Variants in VIPR2 observed in about 807,000 individuals in gnomAD.
VIPR2 encodes the protein vasoactive intestinal polypeptide receptor 2.
Under a neutral mutation model 58.0 loss-of-function variants are expected in VIPR2, and 48 were observed. That is an observed-to-expected ratio of 0.83 (90% CI 0.66 to 1.05). The LOEUF (loss-of-function observed/expected upper bound fraction) is 1.05. VIPR2 is among the 50% of genes least tolerant of loss of function. The probability of loss-of-function intolerance (pLI) is 0.00; values close to 1 mark genes in which losing one functional copy is unlikely to be tolerated. For missense variants in VIPR2, 534 were observed against 558.0 expected, an observed-to-expected ratio of 0.96 and a Z score of 0.43; for synonymous variants, 243 against 235.2, an observed-to-expected ratio of 1.03 and a Z score of -0.30.
At chr7:159,109,342 C>T (rs773866558) in intron 3 of VIPR2, among the ~76,000 whole-genome samples, 18 of 152,170 alleles carry the variant, frequency 1.2e-4, no homozygotes, top group Non-Finnish European at 1.9e-4. Flanking sequence ...ACCTGTGAGG[C>T]GGCAGGGAGG....
chr7:159,096,715 G>C lies in VIPR2; in HGVS notation c.357+7042C>G. 7.4e-7 allele frequency: 1 copy of C among 1,357,546 alleles called. No homozygotes were observed. Among genetic ancestry groups the C allele is most frequent in the Non-Finnish European group, 9.6e-7 (1 of 1,041,652 alleles). 84.1% of individuals were successfully genotyped at this position (1,357,546 alleles called of 1,614,324 possible). A position where few individuals can be genotyped will look rare whatever the true frequency, so the allele number is the denominator to read the frequency against. On this transcript the variant is annotated intron_variant, in intron 4 of 12. Transcript: ENST00000262178. This position sits in a 1 kb window ranked among gnomAD's most constrained non-coding sequence, Gnocchi z 5.5. ...ACAGCAGAAAAGTGCTCATAATCCT[G>C]TCTGGTTGTGCCAGGTGACAGCTGA...
chr7:159,075,864 C>T (rs1856613564), intron 4 of VIPR2, among the ~76,000 whole-genome samples: 2 of 149,902 alleles, frequency 1.3e-5, no homozygotes, highest in South Asian at 2.1e-4. Context: ...CCCATGGACC[C>T]GCTGCATCAG....
intron 2 of VIPR2, among the ~76,000 whole-genome samples, chr7:159,110,277 G>C (rs1795944383): frequency 6.6e-6 from 1 of 152,224 alleles, no homozygotes; most frequent in Admixed American, 6.5e-5. Flanking sequence ...GTGTGCTTGT[G>C]CTTCTGTGGA....
At chr7:159,137,831 A>G (rs1797291847) in intron 2 of VIPR2, among the ~76,000 whole-genome samples, 1 of 152,256 alleles carries the variant, frequency 6.6e-6, no homozygotes, top group Non-Finnish European at 1.5e-5. Flanking sequence ...TCATCAGTCC[A>G]AAAAGTTATT....
chr7:159,135,276 C>CA (rs1415916437), intron 2 of VIPR2, among the ~76,000 whole-genome samples: 1 of 150,690 alleles, frequency 6.6e-6, no homozygotes, highest in African/African-American at 2.4e-5. Context: ...ACCAAAAATC[C>CA]AAAAAATTAG....
intron 5 of VIPR2, among the ~76,000 whole-genome samples, chr7:159,056,198 T>C (rs1256661150): frequency 6.6e-6 from 1 of 152,156 alleles, no homozygotes; most frequent in African/African-American, 2.4e-5. Context: ...TGTCCCTTGG[T>C]ATCCACAGGG....
At position 159,098,706 on chromosome 7, in the gene VIPR2, C is replaced by T. The variant is rs930539338; in HGVS notation, c.357+5051G>A. On this transcript the variant is annotated intron_variant, in intron 4 of 12. Coordinates refer to ENST00000262178, the MANE Select transcript of VIPR2 (RefSeq NM_003382.5). The surrounding 1 kb of genome is among the most constrained non-coding windows in gnomAD (Gnocchi z 5.2). ...ACACCCACATCTCTGCTGATTCCCT[C>T]ACACATGTAGCCAAGTCTGTGGCTT... is the stretch of plus-strand genomic sequence containing the variant. Among the ~76,000 whole-genome samples, 2 of 152,232 alleles carry T rather than the reference C, an allele frequency of 1.3e-5. No individual in the cohort carries two copies. Among genetic ancestry groups the T allele is most frequent in the East Asian group, 1.9e-4 (1 of 5,194 alleles).
At chr7:159,141,456 C>T (rs1267444135) in intron 2 of VIPR2, among the ~76,000 whole-genome samples, 4 of 152,248 alleles carry the variant, frequency 2.6e-5, no homozygotes, top group Admixed American at 6.5e-5. Flanking sequence ...CATTGTCCAG[C>T]GTGGAGACCG....
chr7:159,097,182 G>A lies in VIPR2; in HGVS notation c.357+6575C>T. On this transcript the variant is annotated intron_variant, in intron 4 of 12. Coordinates refer to ENST00000262178, the MANE Select transcript of VIPR2 (RefSeq NM_003382.5). The surrounding 1 kb of genome is among the most constrained non-coding windows in gnomAD (Gnocchi z 5.3). The stretch of plus-strand genomic sequence containing the variant: ...TGCTGTGATCTTTGTCACCAGGGAT[G>A]GGAGCCCTGGGGAGTGAAGTTTGCC... 7.0e-7 allele frequency: 1 copy of A among 1,436,128 alleles called. No individual in the cohort carries two copies. The highest frequency in any genetic ancestry group is 9.2e-7 in the Non-Finnish European group (1 of 1,090,540). 89.0% of individuals were successfully genotyped at this position (1,436,128 alleles called of 1,614,324 possible).
intron 4 of VIPR2, among the ~76,000 whole-genome samples, chr7:159,061,348 G>GGA (rs796289061): frequency 1.5e-5 from 2 of 136,930 alleles, no homozygotes; most frequent in African/African-American, 2.8e-5. Flanking sequence ...AATAAAAGTT[G>GGA]AAAAAAAAAA....
intron 6 of VIPR2, among the ~76,000 whole-genome samples, chr7:159,040,135 T>C (rs1243424531): frequency 6.6e-6 from 1 of 152,218 alleles, no homozygotes; most frequent in Non-Finnish European, 1.5e-5. Context: ...AAGGGAGGTC[T>C]GGGGAATGAC....
In VIPR2 at chr7:159,099,112, A is replaced by G. The variant is rs1370510585; in HGVS notation, c.357+4645T>C. The stretch of plus-strand genomic sequence containing the variant: ...CAAGTATTCAAAGTATTCAACGAGC[A>G]GAAACTGCAACAGGAAGAAAAATTA... On this transcript the variant is annotated intron_variant, in intron 4 of 12. Transcript: ENST00000262178. This position sits in a 1 kb window ranked among gnomAD's most constrained non-coding sequence, Gnocchi z 4.2. Among the ~76,000 whole-genome samples, 1 of 152,270 alleles carries G rather than the reference A, an allele frequency of 6.6e-6. No homozygotes were observed. The highest frequency in any genetic ancestry group is 2.4e-5 in the African/African-American group (1 of 41,474).
intron 4 of VIPR2, among the ~76,000 whole-genome samples, chr7:159,060,092 T>C (rs1197558646): frequency 1.5e-5 from 2 of 130,256 alleles, no homozygotes; most frequent in African/African-American, 3.0e-5. Flanking sequence ...ACCTAACCAC[T>C]AACCTCACCT....
At chr7:159,057,371 C>T (rs1267583456) in intron 5 of VIPR2, among the ~76,000 whole-genome samples, 1 of 152,092 alleles carries the variant, frequency 6.6e-6, no homozygotes, top group Non-Finnish European at 1.5e-5. Flanking sequence ...AAGTGCAGCC[C>T]TGTATCAAAG....
intron 2 of VIPR2, among the ~76,000 whole-genome samples, chr7:159,133,331 G>T (rs1325356226): frequency 2.0e-5 from 3 of 152,294 alleles, no homozygotes; most frequent in Non-Finnish European, 4.4e-5. Context: ...CGGACAACAG[G>T]CAACTATGCC....
intron 5 of VIPR2, among the ~76,000 whole-genome samples, chr7:159,054,269 T>TA (rs200111616): frequency 2.6e-5 from 4 of 151,844 alleles, no homozygotes; most frequent in East Asian, 1.9e-4. Flanking sequence ...CTCTAGATGA[T>TA]AAAAAAAAGA....
intron 2 of VIPR2, among the ~76,000 whole-genome samples, chr7:159,123,354 T>C (rs1796540489): frequency 6.6e-6 from 1 of 150,914 alleles, no homozygotes. Context: ...TCCTTCTTTG[T>C]GTTCATAAGT....
At chr7:159,118,031 G>T (rs1451527921) in intron 2 of VIPR2, among the ~76,000 whole-genome samples, 1 of 152,206 alleles carries the variant, frequency 6.6e-6, no homozygotes, top group African/African-American at 2.4e-5. Context: ...GGGCAGAGCA[G>T]GAAGTCCCAG....
At chr7:159,136,391 A>T (rs1427800649) in intron 2 of VIPR2, among the ~76,000 whole-genome samples, 1 of 152,232 alleles carries the variant, frequency 6.6e-6, no homozygotes, top group Non-Finnish European at 1.5e-5. Flanking sequence ...TACTACATTG[A>T]GGATTGTTTT....
Sources: allele counts gnomAD v4.1 joint callset (sites outside exome capture counted in the v4.1 genomes callset), GRCh38; gene constraint gnomAD v4.1.1; non-coding constraint Gnocchi (gnomAD v3.1); transcripts MANE v1.5; gene names NCBI Gene and HGNC (gene_info 2026-07-23, HGNC 2026-07-21).